The following C4orf50 variants were observed in gnomAD, a reference collection of about 807,000 sequenced individuals.
C4orf50 encodes the protein chromosome 4 open reading frame 50, also known as uncharacterized protein C4orf50.
C4orf50 carries 80 observed loss-of-function variants against 77.2 expected under a neutral mutation model. The ratio of observed to expected loss-of-function variants is 1.04; its 90% confidence interval spans 0.87 to 1.25. C4orf50 has a LOEUF of 1.25. Among genes scored for constraint, C4orf50 ranks in the 50% most tolerant of loss-of-function variants. The probability of loss-of-function intolerance (pLI) is 0.00; values close to 1 mark genes in which losing one functional copy is unlikely to be tolerated. For missense variants in C4orf50, 1,257 were observed against 1,152.9 expected, an observed-to-expected ratio of 1.09 and a Z score of -1.31; for synonymous variants, 532 against 465.3, an observed-to-expected ratio of 1.14 and a Z score of -1.84.
chr4:5,926,161 A>C (rs1297140600), intron 7 of C4orf50, among the ~76,000 whole-genome samples: 1 of 152,186 alleles, frequency 6.6e-6, no homozygotes, highest in Non-Finnish European at 1.5e-5. Flanking sequence ...AAACACTCAT[A>C]ATAGTCAAAA....
chr4:5,950,410 C>T (rs1449667175), intron 7 of C4orf50, among the ~76,000 whole-genome samples: 2 of 152,254 alleles, frequency 1.3e-5, no homozygotes, highest in East Asian at 1.9e-4. Context: ...AGAAATAAAA[C>T]GAGATTGTTC....
rs140220369 is a variant in C4orf50, at chr4:6,003,854, ATGATGG to A, written c.963+4136_963+4141del. 9.0e-4 allele frequency among the ~76,000 whole-genome samples: 10 copies of A among 11,056 alleles called. No homozygotes were observed. In the East Asian group the frequency reaches 0.03, roughly 33 times the overall value. The allele number at this position is 11,056 out of a possible 152,430, so 7.3% of individuals were successfully genotyped here. ...TGATGATGTGATAGTGATGATGGTG[ATGATGG>A]TGATGGTGATGATGGTGATGGTGAT... is the stretch of plus-strand genomic sequence containing the variant. On this transcript the variant is annotated intron_variant, in intron 25 of 33. Transcript: ENST00000531445.
Position 5,958,654 on chromosome 4 carries a change from TCTC to T in C4orf50, c.*718_*720del, listed in dbSNP as rs1235849030. 6.6e-6 allele frequency: 1 copy of T among 152,204 alleles called. No homozygotes were observed. Among genetic ancestry groups the T allele is most frequent in the African/African-American group, 2.4e-5 (1 of 41,436 alleles). The allele number at this position is 152,204 out of a possible 1,614,324, so 9.4% of individuals were successfully genotyped here. A position where few individuals can be genotyped will look rare whatever the true frequency, so the allele number is the denominator to read the frequency against. ...CCAGGATCAACATTGACTTGTCTCT[TCTC>T]CTTCATGCCACATTGCCTGGCATCC... On this transcript the variant is annotated 3_prime_UTR_variant, in exon 34 of 34. Transcript: ENST00000531445. The surrounding 1 kb of genome is among the most constrained non-coding windows in gnomAD (Gnocchi z 5.4).
rs545738661 is a variant in C4orf50 at position 5,988,854 on chromosome 4, G to A, written c.3192C>T (p.Gly1064=). 25 of 1,535,952 alleles carry A rather than the reference G, an allele frequency of 1.6e-5. No homozygotes were observed. The East Asian group carries it at 2.7e-4, about 17-fold the overall frequency. ...CCTTTATCAGCTCTTTATAACTGAC[G>A]CCAAGCTCCGAGATCAGTGTCTGGA... Residue 1064 remains glycine, a synonymous_variant, in exon 28 of 34, where the codon GGC becomes GGT. Transcript: ENST00000531445.
At chr4:5,942,775 C>T (rs1718319482) in intron 7 of C4orf50, among the ~76,000 whole-genome samples, 1 of 152,122 alleles carries the variant, frequency 6.6e-6, no homozygotes, top group African/African-American at 2.4e-5. Flanking sequence ...GCTATCCTGT[C>T]CCTATAAAAT....
intron 28 of C4orf50, among the ~76,000 whole-genome samples, chr4:5,984,169 A>C (rs1054988222): frequency 3.9e-5 from 6 of 152,256 alleles, no homozygotes; most frequent in African/African-American, 1.4e-4. Flanking sequence ...CACAAGAATA[A>C]GATGATCTGC....
downstream of C4orf50, among the ~76,000 whole-genome samples, chr4:5,954,911 T>C (rs1718886478): frequency 6.6e-6 from 1 of 152,096 alleles, no homozygotes. This position sits in a 1 kb window ranked among gnomAD's most constrained non-coding sequence, Gnocchi z 4.7. Context: ...GAGCTCCTGT[T>C]ACTTTCAGGA....
chr4:5,968,908 G>C (rs948867650), intron 31 of C4orf50, among the ~76,000 whole-genome samples: 1 of 152,132 alleles, frequency 6.6e-6, no homozygotes, highest in Non-Finnish European at 1.5e-5. Flanking sequence ...TGGGGTGCAA[G>C]GACCCTTGTC....
At position 6,015,659 on chromosome 4, in the gene C4orf50, GA is replaced by G. The variant is rs982909436; in HGVS notation, c.287+2485del. On this transcript the variant is annotated intron_variant, in intron 23 of 33. Transcript: ENST00000531445. The surrounding 1 kb of genome is among the most constrained non-coding windows in gnomAD (Gnocchi z 4.4). ...CCACAAGCTTGGCGGCCAGAAGTCG[GA>G]ATCAGTCTTCCTGAGCTAGTCGAGC... 5.9e-5 allele frequency among the ~76,000 whole-genome samples: 9 copies of G among 152,166 alleles called. No individual in the cohort carries two copies. The highest frequency in any genetic ancestry group is 2.2e-4 in the African/African-American group (9 of 41,428).
At chr4:5,982,029 A>C (rs550880768) in intron 28 of C4orf50, among the ~76,000 whole-genome samples, 28 of 152,278 alleles carry the variant, frequency 1.8e-4, no homozygotes, top group Non-Finnish European at 2.5e-4. Flanking sequence ...CTCTCATAAT[A>C]AAATATACAA....
rs368119473 is a variant in C4orf50, at chr4:5,938,796, T to A, written c.*2474+18105A>T. Among the ~76,000 whole-genome samples the A allele has an allele frequency of 4.7e-4, 18 of 38,248 alleles. 1 individual carries two copies. The South Asian group carries it at 8.8e-3, about 19-fold the overall frequency. 25.1% of individuals were successfully genotyped at this position (38,248 alleles called of 152,430 possible). ...TGTGATGTCAGTTTTTTTTCTTTTCTTTTTTTTTTTTATCATTTAAGACAA... is the reference window on the plus strand; with the variant it reads ...TGTGATGTCAGTTTTTTTTCTTTTCATTTTTTTTTTTATCATTTAAGACAA... On this transcript the variant is annotated intron_variant, in intron 7 of 7. Transcript: ENST00000324058.
intron 7 of C4orf50, among the ~76,000 whole-genome samples, chr4:5,941,571 C>T (rs1718266582): frequency 6.6e-6 from 1 of 152,188 alleles, no homozygotes; most frequent in South Asian, 2.1e-4. Context: ...AATAACATTT[C>T]CTCATGCCTG....
intron 7 of C4orf50, among the ~76,000 whole-genome samples, chr4:5,934,565 C>T (rs1367769070): frequency 6.6e-6 from 1 of 152,104 alleles, no homozygotes; most frequent in South Asian, 2.1e-4. Context: ...CCCCACTTAA[C>T]TCCTGGCATG....
chr4:5,998,813 C>T (rs1721708191), intron 25 of C4orf50, among the ~76,000 whole-genome samples: 1 of 152,200 alleles, frequency 6.6e-6, no homozygotes, highest in Non-Finnish European at 1.5e-5. Context: ...ATGGCAGGTG[C>T]CCAGTGCACA....
chr4:5,936,562 CAAAAAAAAAAA>C (rs374200584), intron 7 of C4orf50, among the ~76,000 whole-genome samples: 2 of 75,428 alleles, frequency 2.7e-5, no homozygotes, highest in Admixed American at 1.9e-4. Flanking sequence ...GACGCCATCT[CAAAAAAAAAAA>C]AAAAAAAAAA....
intron 28 of C4orf50, among the ~76,000 whole-genome samples, chr4:5,987,412 C>CAAAAAAAAAAAAAAAAAAAAAA (rs58512584): frequency 2.1e-4 from 7 of 33,648 alleles, no homozygotes; most frequent in African/African-American, 4.6e-4. Context: ...CTCTGTCTCA[C>CAAAAAAAAAAAAAAAAAAAAAA]AAAAAAAAAA....
chr4:5,943,354 T>G (rs1718344282), intron 7 of C4orf50, among the ~76,000 whole-genome samples: 1 of 152,238 alleles, frequency 6.6e-6, no homozygotes, highest in Non-Finnish European at 1.5e-5. Flanking sequence ...GGGGTTCACA[T>G]TTGGAATAGC....
At chr4:5,975,389 C>T (rs59360165) in intron 30 of C4orf50, among the ~76,000 whole-genome samples, 2 of 152,098 alleles carry the variant, frequency 1.3e-5, no homozygotes, top group African/African-American at 4.8e-5. Context: ...GTATACGCAT[C>T]GTAGGCTCTC....
intron 31 of C4orf50, among the ~76,000 whole-genome samples, chr4:5,968,816 C>T (rs75355346): frequency 0.023 from 3,559 of 152,238 alleles, 59 homozygotes; most frequent in Non-Finnish European, 0.034. Flanking sequence ...GGGTTTTGTT[C>T]GCCTTCGTAG....
Sources: allele counts gnomAD v4.1 joint callset (sites outside exome capture counted in the v4.1 genomes callset), GRCh38; gene constraint gnomAD v4.1.1; non-coding constraint Gnocchi (gnomAD v3.1); transcripts MANE v1.5; gene names NCBI Gene and HGNC (gene_info 2026-07-23, HGNC 2026-07-21).